Variants in S100Z observed in about 807,000 individuals in gnomAD.
S100Z encodes protein S100-Z.
Under a neutral mutation model 8.5 loss-of-function variants are expected in S100Z, and 11 were observed. The observed-to-expected ratio is 1.30, with a 90% CI of 0.82 to 2.15. The LOEUF (loss-of-function observed/expected upper bound fraction) is 2.15, where lower values mean the gene tolerates loss of function less well. Ranked by LOEUF, S100Z falls within the 30% of genes most tolerant of loss-of-function variation. The probability of loss-of-function intolerance (pLI) is 0.00; values close to 1 mark genes in which losing one functional copy is unlikely to be tolerated. For synonymous variants in S100Z, 34 were observed against 43.8 expected (o/e 0.78, Z 0.89); for missense variants, 126 against 117.9 (o/e 1.07, Z -0.32).
chr5:76,863,645 T>C (rs1454514963), intron 1 of S100Z, among the ~76,000 whole-genome samples: 2 of 151,994 alleles, frequency 1.3e-5, no homozygotes, highest in Non-Finnish European at 1.5e-5. Flanking sequence ...TTCACGCCAT[T>C]CTCCTGCCTC....
the S100Z span, among the ~76,000 whole-genome samples, chr5:76,937,160 AG>A: frequency 3.9e-5 from 6 of 152,300 alleles, no homozygotes; most frequent in South Asian, 1.2e-3. Context: ...TTCTTCATAA[AG>A]GCTAAATTTA....
chr5:76,929,827 A>C, the S100Z span, among the ~76,000 whole-genome samples: 1 of 152,276 alleles, frequency 6.6e-6, no homozygotes, highest in Admixed American at 6.5e-5. Flanking sequence ...CATACCAAAA[A>C]CCCAACCTGC....
At chr5:76,868,623 CTT>C (rs35398110) in intron 1 of S100Z, among the ~76,000 whole-genome samples, 403 of 122,770 alleles carry the variant, frequency 3.3e-3, no homozygotes, top group African/African-American at 9.8e-3. Flanking sequence ...AATTCAAACT[CTT>C]TTTTTTTTTT....
the S100Z span, among the ~76,000 whole-genome samples, chr5:76,949,799 T>C: frequency 6.6e-6 from 1 of 152,132 alleles, no homozygotes; most frequent in Admixed American, 6.5e-5. Flanking sequence ...GTTGCAGGGA[T>C]TGGGAGGAGG....
At chr5:76,887,812 T>G (rs145680653) in intron 4 of S100Z, among the ~76,000 whole-genome samples, 1 of 152,100 alleles carries the variant, frequency 6.6e-6, no homozygotes, top group Admixed American at 6.6e-5. Flanking sequence ...GCCATTTTTT[T>G]CCCCCTTAAA....
chr5:76,878,593 AG>A (rs1209861263), intron 4 of S100Z, among the ~76,000 whole-genome samples: 6 of 152,226 alleles, frequency 3.9e-5, no homozygotes, highest in African/African-American at 1.4e-4. Flanking sequence ...CCCTGGCCTC[AG>A]GGTCTCCCTC....
chr5:76,876,438 G>A (rs1428022379), intron 3 of S100Z, among the ~76,000 whole-genome samples: 1 of 150,622 alleles, frequency 6.6e-6, no homozygotes, highest in Admixed American at 6.6e-5. Flanking sequence ...ACACGATCTC[G>A]GCTCACTGCA....
the S100Z span, among the ~76,000 whole-genome samples, chr5:76,951,103 T>C: frequency 1.3e-5 from 2 of 152,220 alleles, no homozygotes; most frequent in African/African-American, 4.8e-5. Context: ...CACATTAATT[T>C]ATCCACCTAG....
chr5:76,860,607 G>A (rs931605416), intron 1 of S100Z, among the ~76,000 whole-genome samples: 4 of 152,180 alleles, frequency 2.6e-5, no homozygotes, highest in Non-Finnish European at 4.4e-5. Flanking sequence ...TTGCTCAGCT[G>A]ATGCTGAGGA....
chr5:76,859,468 G>A (rs1013933492), intron 1 of S100Z, among the ~76,000 whole-genome samples: 6 of 152,190 alleles, frequency 3.9e-5, no homozygotes, highest in African/African-American at 1.2e-4. Flanking sequence ...CCTCAGGACC[G>A]CATCCAGCTC....
chr5:76,862,841 TG>T (rs1172278169), intron 1 of S100Z, among the ~76,000 whole-genome samples: 1 of 152,062 alleles, frequency 6.6e-6, no homozygotes, highest in Non-Finnish European at 1.5e-5. Context: ...TGAGGAGCAT[TG>T]CAATAAAGGG....
intron 4 of S100Z, among the ~76,000 whole-genome samples, chr5:76,889,466 C>T (rs1023897784): frequency 6.6e-6 from 1 of 152,140 alleles, no homozygotes; most frequent in African/African-American, 2.4e-5. Flanking sequence ...GGCCTTTAAG[C>T]TTTTCATTTT....
the S100Z span, among the ~76,000 whole-genome samples, chr5:76,943,039 T>G: frequency 6.6e-6 from 1 of 152,224 alleles, no homozygotes; most frequent in Non-Finnish European, 1.5e-5. Context: ...CTTTAAGTTT[T>G]AGGGTACATG....
At chr5:76,857,006 A>C (rs2150620635) in intron 1 of S100Z, among the ~76,000 whole-genome samples, 1 of 152,302 alleles carries the variant, frequency 6.6e-6, no homozygotes, top group Middle Eastern at 3.4e-3. Flanking sequence ...GCATAGTGAA[A>C]GGTCACAGAG....
chr5:76,950,155 A>G, the S100Z span, among the ~76,000 whole-genome samples: 2 of 152,344 alleles, frequency 1.3e-5, no homozygotes, highest in South Asian at 2.1e-4. Flanking sequence ...TTAATCAGGA[A>G]AGGAAAAAGG....
intron 4 of S100Z, among the ~76,000 whole-genome samples, chr5:76,906,297 C>A (rs75377655): frequency 0.02 from 2,980 of 152,162 alleles, 122 homozygotes; most frequent in African/African-American, 0.067. Context: ...CACTTAAAAT[C>A]TAATCTCTTG....
chr5:76,892,454 C>T (rs1038536410), intron 4 of S100Z, among the ~76,000 whole-genome samples: 23 of 152,176 alleles, frequency 1.5e-4, no homozygotes, highest in Non-Finnish European at 7.3e-5. Context: ...TCTCAAAGAA[C>T]ATTTATTATG....
intron 4 of S100Z, among the ~76,000 whole-genome samples, chr5:76,893,729 G>T (rs1349987468): frequency 1.3e-5 from 2 of 152,160 alleles, no homozygotes; most frequent in African/African-American, 4.8e-5. Flanking sequence ...TTGAGCACTA[G>T]GAGAAAGAGG....
intron 4 of S100Z, among the ~76,000 whole-genome samples, chr5:76,898,933 C>CTTTTT (rs56287065): frequency 1.9e-3 from 205 of 109,824 alleles, no homozygotes; most frequent in East Asian, 4.0e-3. Flanking sequence ...CTTTTCTTTT[C>CTTTTT]TTTTTTTTTT....
Sources: gnomAD v4.1 joint callset for allele counts (sites outside exome capture counted in the v4.1 genomes callset) on GRCh38, gnomAD v4.1.1 for gene constraint, MANE v1.5 for transcripts, NCBI Gene and HGNC (gene_info 2026-07-23, HGNC 2026-07-21) for gene names.